Variants in SAG observed in about 807,000 individuals in gnomAD.
SAG encodes S-antigen visual arrestin, also known as S-arrestin.
SAG carries 45 observed loss-of-function variants against 55.0 expected under a neutral mutation model. The observed-to-expected ratio is 0.82, with a 90% CI of 0.64 to 1.05. The LOEUF (loss-of-function observed/expected upper bound fraction) is 1.05, where lower values mean the gene tolerates loss of function less well. Ranked by LOEUF, SAG falls within the 50% of genes least tolerant of loss-of-function variation. SAG has a pLI of 0.00. For synonymous variants in SAG, 189 were observed against 197.4 expected, an observed-to-expected ratio of 0.96 and a Z score of 0.36; for missense variants, 455 against 512.1, an observed-to-expected ratio of 0.89 and a Z score of 1.08.
chr2:233,318,716 T>C, intron 3 of SAG, 35 bp from the exon 4 acceptor site: 1 of 1,600,362 alleles, frequency 6.2e-7, no homozygotes, highest in Non-Finnish European at 8.6e-7. Flanking sequence ...TTTCATCTTC[T>C]CCACCCTCAC....
At position 233,319,290 on chromosome 2, in the gene SAG, T is replaced by TG. The variant is rs11420354; in HGVS notation, c.181+500dup. Among the ~76,000 whole-genome samples, 111,803 of 151,678 alleles carry TG rather than the reference T, an allele frequency of 0.74. 41,703 individuals carry two copies. Among genetic ancestry groups the TG allele is most frequent in the African/African-American group, 0.84 (34,879 of 41,320 alleles). ...CCAAAAAGGGGGAAATGATGCCTGC[T>TG]GGGGGCAGGGGGAGTAAGACCCAGA... is the stretch of plus-strand genomic sequence containing the variant. On this transcript the variant is annotated intron_variant, in intron 4 of 15. Transcript: ENST00000409110. The surrounding 1 kb of genome is among the most constrained non-coding windows in gnomAD (Gnocchi z 4.4).
intron 2 of SAG, among the ~76,000 whole-genome samples, chr2:233,312,046 A>T (rs1178909693): frequency 6.6e-6 from 1 of 152,102 alleles, no homozygotes; most frequent in African/African-American, 2.4e-5. Context: ...GAATCGCTTG[A>T]ACCTGGGAGG....
rs1304287954 is a variant in SAG, at chr2:233,319,159, C to G, written c.181+364C>G. On this transcript the variant is annotated intron_variant, in intron 4 of 15. Coordinates refer to ENST00000409110, the MANE Select transcript of SAG (RefSeq NM_000541.5). This position sits in a 1 kb window ranked among gnomAD's most constrained non-coding sequence, Gnocchi z 4.4. ...GGGGTGCCTAGGACTCAGGAGGACA[C>G]AAGACCTTGAATGAATGAGGGGCGA... 2.6e-5 allele frequency among the ~76,000 whole-genome samples: 4 copies of G among 152,050 alleles called. No homozygotes were observed. Among genetic ancestry groups the G allele is most frequent in the Non-Finnish European group, 4.4e-5 (3 of 68,004 alleles).
At chr2:233,331,920 T>TCAG in intron 10 of SAG, 1 of 581,392 alleles carries the variant, frequency 1.7e-6, no homozygotes, top group East Asian at 2.9e-5. Flanking sequence ...CTTACAGGAG[T>TCAG]TCTGAGGATT....
intron 4 of SAG, among the ~76,000 whole-genome samples, chr2:233,320,416 T>C (rs1385229454): frequency 1.3e-5 from 2 of 152,190 alleles, no homozygotes; most frequent in Non-Finnish European, 2.9e-5. Flanking sequence ...GGGAGGAAGA[T>C]GCCAGGATCT....
In SAG at chr2:233,328,581, C is replaced by A. The variant is rs749426098; in HGVS notation, c.616C>A (p.Pro206Thr). 4 of 1,613,334 alleles carry A rather than the reference C, an allele frequency of 2.5e-6. No homozygotes were observed. In the African/African-American group the frequency reaches 4.0e-5, roughly 16 times the overall value. ...AAWQFFMSDK[P>T]LHLAVSLNKE... The stretch of plus-strand genomic sequence containing the variant: ...CTGGCAGTTCTTCATGTCTGACAAG[C>A]CCCTGCACCTTGCGGTCTCTCTCAA... Residue 206 changes from proline to threonine, a missense_variant, in exon 8 of 16, where the codon CCC becomes ACC. Coordinates refer to ENST00000409110, the MANE Select transcript of SAG (RefSeq NM_000541.5).
intron 10 of SAG, chr2:233,334,007 T>C (rs957944324): frequency 1.3e-5 from 2 of 152,206 alleles, no homozygotes; most frequent in African/African-American, 2.4e-5. Flanking sequence ...AGCCTTAGAA[T>C]GGTCCTGATG....
chr2:233,309,224 C>A lies in SAG; in HGVS notation c.35C>A (p.Pro12Gln). ...AASGKTSKSE[P>Q]NHVIFKKISR... The stretch of plus-strand genomic sequence containing the variant: ...AGCGGGAAGACCAGCAAGTCCGAAC[C>A]GAACCATGTTATCTTCAAGAAGATC... The change falls in exon 2 of 16, where the codon CCG becomes CAG. Residue 12 changes from proline (P) to glutamine (Q), a missense_variant. Transcript: ENST00000409110. The A allele has an allele frequency of 1.9e-6, 3 of 1,613,686 alleles. No individual in the cohort carries two copies. The highest frequency in any genetic ancestry group is 2.5e-6 in the Non-Finnish European group (3 of 1,179,782).
chr2:233,318,340 T>G lies in SAG; in HGVS notation c.137-411T>G, dbSNP rs535907884. On this transcript the variant is annotated intron_variant, in intron 3 of 15. Transcript: ENST00000409110. The stretch of plus-strand genomic sequence containing the variant: ...CCACCACACCCAGCTAATTTTTTTT[T>G]TTTGTTTTTTTATAGAGACAGGCTC... 2.1e-3 allele frequency among the ~76,000 whole-genome samples: 323 copies of G among 151,988 alleles called. 1 individual carries two copies. The highest frequency in any genetic ancestry group is 6.6e-3 in the African/African-American group (273 of 41,450).
At chr2:233,328,415 C>G in intron 7 of SAG, 63 bp from the exon 8 acceptor site, 2 of 1,574,496 alleles carry the variant, frequency 1.3e-6, no homozygotes, top group Non-Finnish European at 1.7e-6. Flanking sequence ...GGGGAGAGAA[C>G]AGAAGCCTCC....
intron 6 of SAG, 121 bp from the exon 7 acceptor site, chr2:233,327,000 C>A: frequency 2.7e-6 from 2 of 736,624 alleles, no homozygotes; most frequent in South Asian, 3.2e-5. Context: ...CCGAATAGGA[C>A]ATGGCCAAGA....
Position 233,320,744 on chromosome 2 carries a change from G to T in SAG, c.296G>T (p.Gly99Val). 1 of 1,606,272 alleles carries T rather than the reference G, an allele frequency of 6.2e-7. No individual in the cohort carries two copies. The highest frequency in any genetic ancestry group is 8.5e-7 in the Non-Finnish European group (1 of 1,176,558). Residue 99 changes from glycine (G) to valine (V), a missense_variant, in exon 5 of 16, where the codon GGG (glycine) becomes GTG (valine). By Grantham distance (109) the Gly-to-Val change is moderately radical (BLOSUM62 -3). Coordinates refer to ENST00000409110, the MANE Select transcript of SAG (RefSeq NM_000541.5). Reference sequence around the variant, plus strand: ...CGGGTCCAGGTGTATCCTCCTGTGGGGGCCGCGAGCACCCCCACAAAACTG... The same window carrying T: ...CGGGTCCAGGTGTATCCTCCTGTGGTGGCCGCGAGCACCCCCACAAAACTG... ...FSRVQVYPPVGAASTPTKLQE... is the reference protein window; with the variant it reads ...FSRVQVYPPVVAASTPTKLQE...
At position 233,319,123 on chromosome 2, in the gene SAG, G is replaced by C; in HGVS notation, c.181+328G>C. On this transcript the variant is annotated intron_variant, in intron 4 of 15. Coordinates refer to ENST00000409110, the MANE Select transcript of SAG (RefSeq NM_000541.5). This position sits in a 1 kb window ranked among gnomAD's most constrained non-coding sequence, Gnocchi z 4.4. ...TACTTCTGTGCTAGGGGCAAACTCA[G>C]GAGGGTGCCTGGGGTGCCTAGGACT... 6.1e-6 allele frequency: 3 copies of C among 489,642 alleles called. No homozygotes were observed. The highest frequency in any genetic ancestry group is 5.4e-5 in the South Asian group (3 of 55,294). 30.3% of individuals were successfully genotyped at this position (489,642 alleles called of 1,614,324 possible).
At chr2:233,327,652 C>T (rs1700609069) in intron 7 of SAG, 1 of 154,500 alleles carries the variant, frequency 6.5e-6, no homozygotes. Flanking sequence ...AAGCGATTCT[C>T]CTGCCTCAAT....
rs775579122 is a variant in SAG at position 233,320,804 on chromosome 2, C to T, written c.356C>T (p.Thr119Met). The change falls in exon 5 of 16, where the codon ACG (threonine) becomes ATG (methionine). Residue 119 changes from threonine (T) to methionine (M), a missense_variant. Transcript: ENST00000409110. The part of the protein sequence containing the change: ...ESLLKKLGSN[T>M]YPFLLTFPDY... ...CTGCTTAAAAAGCTGGGGAGCAACA[C>T]GTACCCCTTTCTCCTGACGGTGGGT... 2.5e-6 allele frequency: 4 copies of T among 1,598,098 alleles called. No individual in the cohort carries two copies. The highest frequency in any genetic ancestry group is 1.3e-5 in the African/African-American group (1 of 74,516).
chr2:233,308,457 C>T (rs1699997278), intron 1 of SAG, among the ~76,000 whole-genome samples: 1 of 151,084 alleles, frequency 6.6e-6, no homozygotes, highest in Non-Finnish European at 1.5e-5. Context: ...ACAGAACGAG[C>T]TCCTATATCT....
intron 6 of SAG, among the ~76,000 whole-genome samples, chr2:233,323,878 C>T (rs937385312): frequency 2.6e-5 from 4 of 152,134 alleles, no homozygotes; most frequent in African/African-American, 4.8e-5. Context: ...AGGAACTACA[C>T]GGCATGCCAG....
chr2:233,328,381 C>G (rs1559444638), intron 7 of SAG, 97 bp from the exon 8 acceptor site: 11 of 1,436,250 alleles, frequency 7.7e-6, no homozygotes, highest in Non-Finnish European at 1.1e-5. Context: ...GGGGAGCATT[C>G]CTGGAGAATC....
chr2:233,338,777 C>G, intron 12 of SAG, 24 bp downstream of exon 12: 1 of 1,595,896 alleles, frequency 6.3e-7, no homozygotes, highest in East Asian at 2.2e-5. Flanking sequence ...CACCAACCCT[C>G]GGGCTGCTCT....
Sources: gnomAD v4.1 joint callset for allele counts (sites outside exome capture counted in the v4.1 genomes callset) on GRCh38, gnomAD v4.1.1 for gene constraint, Gnocchi (gnomAD v3.1) non-coding constraint, MANE v1.5 for transcripts, NCBI Gene and HGNC (gene_info 2026-07-23, HGNC 2026-07-21) for gene names.